The following CSMD3 variants were observed in gnomAD, a reference collection of about 807,000 sequenced individuals.
CSMD3 encodes the protein CUB and sushi domain-containing protein 3.
CSMD3 carries 177 observed loss-of-function variants against 435.2 expected under a neutral mutation model. The ratio of observed to expected loss-of-function variants is 0.41; its 90% CI spans 0.36 to 0.46. The LOEUF (loss-of-function observed/expected upper bound fraction) is 0.46, where lower values mean the gene tolerates loss of function less well. Among genes scored for constraint, CSMD3 ranks in the 20% least tolerant of loss-of-function variants. CSMD3 has a pLI of 0.34. For synonymous variants in CSMD3, 1,656 were observed against 1,520.5 expected (o/e 1.09, Z -2.07); for missense variants, 4,265 against 4,504.6 (o/e 0.95, Z 1.52).
intron 2 of CSMD3, chr8:113,309,962 A>C (rs2132645317): frequency 6.6e-6 from 1 of 152,294 alleles, no homozygotes; most frequent in Admixed American, 6.5e-5. Flanking sequence ...TTACTGATGA[A>C]CTGTATAATA....
In CSMD3 at chr8:112,847,319, A is replaced by G. The variant is rs114681818; in HGVS notation, c.1755+11826T>C. Among the ~76,000 whole-genome samples the G allele has an allele frequency of 2.0e-3, 311 of 152,232 alleles. 1 individual carries two copies. The highest frequency in any genetic ancestry group is 7.1e-3 in the African/African-American group (297 of 41,554). On this transcript the variant is annotated intron_variant, in intron 11 of 70. Transcript: ENST00000297405. ...GACTGCTTTCAGGCTACAGGAGCCCACTTGGTCCACACATGAGCCCTGAAA... is the reference window on the plus strand; with the variant it reads ...GACTGCTTTCAGGCTACAGGAGCCCGCTTGGTCCACACATGAGCCCTGAAA...
intron 27 of CSMD3, among the ~76,000 whole-genome samples, chr8:112,535,566 G>A (rs1291014709): frequency 6.6e-6 from 1 of 151,988 alleles, no homozygotes; most frequent in Non-Finnish European, 1.5e-5. Context: ...TGGGTAGGAA[G>A]AATAAATATT....
intron 1 of CSMD3, among the ~76,000 whole-genome samples, chr8:113,321,155 A>G (rs186074000): frequency 9.5e-4 from 145 of 152,224 alleles, no homozygotes; most frequent in African/African-American, 3.3e-3. Flanking sequence ...CATTGCTGCT[A>G]AAGTCATTTC....
chr8:112,802,828 T>C (rs1020563106), intron 12 of CSMD3, among the ~76,000 whole-genome samples: 3 of 151,824 alleles, frequency 2.0e-5, no homozygotes, highest in Non-Finnish European at 4.4e-5. Flanking sequence ...TCAAATTTTA[T>C]TAATTTAAAA....
intron 7 of CSMD3, among the ~76,000 whole-genome samples, chr8:112,974,586 T>C (rs1016230214): frequency 8.6e-5 from 13 of 151,892 alleles, no homozygotes; most frequent in African/African-American, 3.1e-4. Flanking sequence ...CCCTATATTC[T>C]TATAAATGGT....
chr8:112,623,638 T>C (rs895470371), intron 22 of CSMD3, among the ~76,000 whole-genome samples: 1 of 150,970 alleles, frequency 6.6e-6, no homozygotes, highest in Non-Finnish European at 1.5e-5. Flanking sequence ...TAGCATTAGG[T>C]ATATCTCCCA....
intron 14 of CSMD3, 102 bp from the exon 15 acceptor site, chr8:112,685,834 A>C: frequency 1.3e-6 from 1 of 772,628 alleles, no homozygotes; most frequent in East Asian, 2.7e-5. Context: ...TAGCAGTATA[A>C]GATAATATTA....
At chr8:112,487,112 C>T (rs10216803) in intron 31 of CSMD3, among the ~76,000 whole-genome samples, 30,406 of 152,040 alleles carry the variant, frequency 0.2, 3,710 homozygotes, top group East Asian at 0.39. Flanking sequence ...GTGGTCAGTA[C>T]TCTCTAGTTT....
intron 1 of CSMD3, 73 bp from the exon 2 acceptor site, chr8:113,314,866 G>T: frequency 1.9e-6 from 2 of 1,072,194 alleles, no homozygotes; most frequent in Non-Finnish European, 2.8e-6. Context: ...ATATTATTTT[G>T]AAAGTCTATT....
At chr8:112,856,865 T>C (rs1390060904) in intron 11 of CSMD3, among the ~76,000 whole-genome samples, 1 of 151,866 alleles carries the variant, frequency 6.6e-6, no homozygotes, top group African/African-American at 2.4e-5. Flanking sequence ...TTATTATTTA[T>C]ACCAACAATT....
chr8:112,708,321 G>C (rs2131905324), intron 13 of CSMD3, among the ~76,000 whole-genome samples: 1 of 152,140 alleles, frequency 6.6e-6, no homozygotes, highest in East Asian at 1.9e-4. Context: ...AGATGGTAGA[G>C]AATGTCTTAC....
intron 5 of CSMD3, among the ~76,000 whole-genome samples, chr8:113,090,002 A>G (rs1206670373): frequency 6.7e-6 from 1 of 150,036 alleles, no homozygotes; most frequent in Non-Finnish European, 1.5e-5. Flanking sequence ...AGTGTTCAGA[A>G]AAAAAAAGTT....
chr8:112,351,280 C>A lies in CSMD3; in HGVS notation c.6256-36G>T, dbSNP rs753784473. 4 of 1,410,490 alleles carry A rather than the reference C, an allele frequency of 2.8e-6. No individual in the cohort carries two copies. The South Asian group carries it at 4.6e-5, about 16-fold the overall frequency. 87.4% of individuals were successfully genotyped at this position (1,410,490 alleles called of 1,614,324 possible). A position where few individuals can be genotyped will look rare whatever the true frequency, so the allele number is the denominator to read the frequency against. On this transcript the variant is annotated intron_variant, in intron 39 of 70. Transcript: ENST00000297405. ...AAAATGATGTGGTTCAGTACACATA[C>A]ATAAAAAGTTTAAATTTATTGTAGC...
intron 20 of CSMD3, 79 bp from the exon 21 acceptor site, chr8:112,638,990 C>T: frequency 1.1e-6 from 1 of 950,244 alleles, no homozygotes. Context: ...TAACTATTAG[C>T]CAGGACTTTA....
At chr8:112,737,497 G>C (rs2077211821) in intron 13 of CSMD3, among the ~76,000 whole-genome samples, 1 of 151,822 alleles carries the variant, frequency 6.6e-6, no homozygotes, top group Admixed American at 6.6e-5. Flanking sequence ...AGAGGTTGTT[G>C]GTATGGAAGT....
At position 112,351,315 on chromosome 8, in the gene CSMD3, T is replaced by A. The variant is rs1321874542; in HGVS notation, c.6256-71A>T. 4.0e-6 allele frequency: 4 copies of A among 993,412 alleles called. No homozygotes were observed. The African/African-American group carries it at 6.4e-5, about 16-fold the overall frequency. The allele number at this position is 993,412 out of a possible 1,614,324, so 61.5% of individuals were successfully genotyped here. ...TTAAATTTATTGTAGCATAGTCAAT[T>A]ATTATTATAAAAACAAGCTTAAGTA... is the stretch of plus-strand genomic sequence containing the variant. On this transcript the variant is annotated intron_variant, in intron 39 of 70. Transcript: ENST00000297405.
intron 43 of CSMD3, among the ~76,000 whole-genome samples, chr8:112,337,150 A>C (rs1824654816): frequency 6.6e-6 from 1 of 152,184 alleles, no homozygotes; most frequent in Non-Finnish European, 1.5e-5. Flanking sequence ...CTATGTGTAC[A>C]TATAAGGCCT....
At chr8:112,411,773 G>T (rs1811380408) in intron 32 of CSMD3, among the ~76,000 whole-genome samples, 1 of 151,960 alleles carries the variant, frequency 6.6e-6, no homozygotes, top group Admixed American at 6.6e-5. Flanking sequence ...GTTTTTTAAG[G>T]TGCAAACAGC....
In CSMD3 at chr8:113,339,160, A is replaced by C. The variant is rs182525200; in HGVS notation, c.179-24367T>G. 5.1e-3 allele frequency among the ~76,000 whole-genome samples: 780 copies of C among 152,046 alleles called. 12 individuals carry two copies. The highest frequency in any genetic ancestry group is 0.018 in the African/African-American group (753 of 41,540). On this transcript the variant is annotated intron_variant, in intron 1 of 70. Transcript: ENST00000297405. ...TTAAGCATGTTAACAACTTTCTTTC[A>C]ACAATATTTTAAACATAATGAATAC...
Sources: allele counts gnomAD v4.1 joint callset (sites outside exome capture counted in the v4.1 genomes callset), GRCh38; gene constraint gnomAD v4.1.1; transcripts MANE v1.5; gene names NCBI Gene and HGNC (gene_info 2026-07-23, HGNC 2026-07-21).